The following SECISBP2 variants were observed in gnomAD, a reference collection of about 807,000 sequenced individuals.
The protein encoded by SECISBP2 is selenocysteine insertion sequence-binding protein 2.
In SECISBP2, 96 loss-of-function variants were observed where a neutral mutation model predicts 98.2. The ratio of observed to expected loss-of-function variants is 0.98; its 90% CI spans 0.83 to 1.16. SECISBP2 has a LOEUF of 1.16. SECISBP2 is among the 50% of genes most tolerant of loss of function. SECISBP2 has a pLI of 0.00. For synonymous variants in SECISBP2, 407 were observed against 370.2 expected (o/e 1.10, Z -1.14); for missense variants, 1,046 against 1,022.9 (o/e 1.02, Z -0.31).
the SECISBP2 span, among the ~76,000 whole-genome samples, chr9:89,366,524 AC>A: frequency 1.3e-5 from 2 of 152,220 alleles, no homozygotes; most frequent in African/African-American, 4.8e-5. Context: ...TTAAAAAAAA[AC>A]AAAACTTAAC....
intron 7 of SECISBP2, among the ~76,000 whole-genome samples, chr9:89,335,710 A>G (rs535480436): frequency 6.6e-6 from 1 of 152,332 alleles, no homozygotes; most frequent in South Asian, 2.1e-4. Context: ...GTCTGAGTTT[A>G]TTGTACTTAC....
chr9:89,358,920 G>A lies in SECISBP2; in HGVS notation c.*96G>A. 3 of 783,480 alleles carry A rather than the reference G, an allele frequency of 3.8e-6. No homozygotes were observed. Among genetic ancestry groups the A allele is most frequent in the Non-Finnish European group, 6.6e-6 (3 of 456,580 alleles). The allele number at this position is 783,480 out of a possible 1,614,324, so 48.5% of individuals were successfully genotyped here. A position where few individuals can be genotyped will look rare whatever the true frequency, so the allele number is the denominator to read the frequency against. On this transcript the variant is annotated 3_prime_UTR_variant, in exon 17 of 17. Transcript: ENST00000375807. ...TCTGTTTTTCATGACAATGTAATTT[G>A]TGTAACTGTTGAATCTGGAAATTGA...
intron 5 of SECISBP2, among the ~76,000 whole-genome samples, chr9:89,331,594 C>T (rs566564682): frequency 1.3e-5 from 2 of 152,172 alleles, no homozygotes; most frequent in South Asian, 4.1e-4. Flanking sequence ...ATACACATAG[C>T]GTCATTATAT....
chr9:89,345,788 A>G (rs1471019064), intron 10 of SECISBP2, among the ~76,000 whole-genome samples: 1 of 152,194 alleles, frequency 6.6e-6, no homozygotes, highest in African/African-American at 2.4e-5. Flanking sequence ...TGAGCCATAC[A>G]GGGTTTTCCA....
At chr9:89,320,751 T>C (rs1169800537) in intron 2 of SECISBP2, among the ~76,000 whole-genome samples, 2 of 152,232 alleles carry the variant, frequency 1.3e-5, no homozygotes, top group African/African-American at 2.4e-5. Flanking sequence ...CAAAATGGCT[T>C]CCTCTTGCAG....
chr9:89,357,687 G>A, intron 15 of SECISBP2, 122 bp downstream of exon 15: 1 of 1,207,448 alleles, frequency 8.3e-7, no homozygotes, highest in Non-Finnish European at 1.2e-6. Context: ...CATTGAGGAG[G>A]AGCCACCACT....
intron 1 of SECISBP2, chr9:89,319,102 A>C: frequency 1.1e-6 from 1 of 943,800 alleles, no homozygotes; most frequent in Non-Finnish European, 1.3e-6. Context: ...AAACTAAAGA[A>C]AGAAATCTTA....
At chr9:89,336,080 G>GTT (rs1564372011) in intron 7 of SECISBP2, among the ~76,000 whole-genome samples, 1 of 44,552 alleles carries the variant, frequency 2.2e-5, no homozygotes, top group African/African-American at 8.2e-5. Flanking sequence ...AATTTTAAGT[G>GTT]CTTTTTTTTT....
chr9:89,326,257 G>A (rs1826683775), intron 4 of SECISBP2, among the ~76,000 whole-genome samples: 1 of 152,142 alleles, frequency 6.6e-6, no homozygotes, highest in Admixed American at 6.5e-5. Flanking sequence ...GTTGCATTGT[G>A]GGATCTTAAG....
chr9:89,328,772 A>G lies in SECISBP2; in HGVS notation c.687A>G (p.Ala229=). 3 of 1,614,240 alleles carry G rather than the reference A, an allele frequency of 1.9e-6. No individual in the cohort carries two copies. The highest frequency in any genetic ancestry group is 2.5e-6 in the Non-Finnish European group (3 of 1,180,026). The change falls in exon 5 of 17, where the codon GCA becomes GCG. Residue 229 remains alanine (A), a synonymous_variant. Coordinates refer to ENST00000375807, the MANE Select transcript of SECISBP2 (RefSeq NM_024077.5). The stretch of plus-strand genomic sequence containing the variant: ...TGGACTTTCCTGAACTGCAAGGTGC[A>G]GAGAACAATATGTCAGAGATACAGA... ...TTLDFPELQG[A]ENNMSEIQKQ...
At chr9:89,332,145 A>C (rs1322285449) in intron 5 of SECISBP2, among the ~76,000 whole-genome samples, 1 of 152,236 alleles carries the variant, frequency 6.6e-6, no homozygotes, top group African/African-American at 2.4e-5. Flanking sequence ...TTTTTTAAAA[A>C]AATAGATTTT....
chr9:89,360,767 G>C (rs935880930), downstream of SECISBP2: 12 of 152,258 alleles, frequency 7.9e-5, no homozygotes, highest in African/African-American at 2.9e-4. Flanking sequence ...GGCCAGGGGC[G>C]CCAAGTACAG....
chr9:89,357,246 G>A, intron 14 of SECISBP2, 165 bp from the exon 15 acceptor site: 1 of 730,816 alleles, frequency 1.4e-6, no homozygotes. Flanking sequence ...TATTTTTGGA[G>A]AGTTGATTCT....
At chr9:89,363,712 G>A (rs1321227929), downstream of SECISBP2, 1 of 1,605,594 alleles carries the variant, frequency 6.2e-7, no homozygotes, top group Admixed American at 1.7e-5. Flanking sequence ...CCTCATAAAA[G>A]GGTAACAGTG....
At chr9:89,354,923 C>T (rs1334937088) in intron 14 of SECISBP2, 5 of 985,270 alleles carry the variant, frequency 5.1e-6, no homozygotes, top group Admixed American at 6.1e-5. Context: ...CTCAGGAATA[C>T]GGAACACTCC....
chr9:89,340,454 T>C (rs1293661278), intron 9 of SECISBP2, among the ~76,000 whole-genome samples: 1 of 152,224 alleles, frequency 6.6e-6, no homozygotes, highest in Non-Finnish European at 1.5e-5. Context: ...ATAATTTAGA[T>C]GGGGAACTTG....
At chr9:89,350,004 C>A in intron 13 of SECISBP2, 75 bp downstream of exon 13, 1 of 1,554,632 alleles carries the variant, frequency 6.4e-7, no homozygotes, top group South Asian at 1.1e-5. Flanking sequence ...TGATATCTCC[C>A]ATAAATCCTT....
intron 5 of SECISBP2, 121 bp downstream of exon 5, chr9:89,329,007 T>C (rs980588853): frequency 2.7e-5 from 22 of 818,474 alleles, no homozygotes; most frequent in South Asian, 2.5e-4. Flanking sequence ...GGAGGATGTA[T>C]TGGGGGAAGC....
At chr9:89,356,228 G>T (rs1018371476) in intron 14 of SECISBP2, among the ~76,000 whole-genome samples, 6 of 152,212 alleles carry the variant, frequency 3.9e-5, no homozygotes, top group Admixed American at 6.5e-5. Context: ...TAGGTTGCCT[G>T]CTCCTTATGA....
Sources: gnomAD v4.1 joint callset for allele counts (sites outside exome capture counted in the v4.1 genomes callset) on GRCh38, gnomAD v4.1.1 for gene constraint, MANE v1.5 for transcripts, NCBI Gene and HGNC (gene_info 2026-07-23, HGNC 2026-07-21) for gene names.